TLN2: variants seen among roughly 807,000 people sequenced by gnomAD.
TLN2 encodes the protein talin 2.
In TLN2, 118 loss-of-function variants were observed where a neutral mutation model predicts 294.7. The ratio of observed to expected loss-of-function variants is 0.40; its 90% confidence interval spans 0.34 to 0.47. The LOEUF is 0.47. Ranked by LOEUF, TLN2 falls within the 20% of genes least tolerant of loss-of-function variation. TLN2 has a pLI of 0.84. For missense variants in TLN2, 3,083 were observed against 3,282.2 expected (o/e 0.94, Z 1.48); for synonymous variants, 1,431 against 1,304.5 (o/e 1.10, Z -2.09).
chr15:62,807,553 G>A (rs143270286), intron 51 of TLN2, among the ~76,000 whole-genome samples: 1 of 152,206 alleles, frequency 6.6e-6, no homozygotes, highest in East Asian at 1.9e-4. Context: ...AGCTACAGAC[G>A]TGAACAGGGG....
chr15:62,601,520 G>A lies in TLN2; in HGVS notation c.-162+11758G>A, dbSNP rs117402225. On this transcript the variant is annotated intron_variant, in intron 2 of 58. Coordinates refer to ENST00000636159, the MANE Select transcript of TLN2 (RefSeq NM_015059.3). ...AGTTTGTTCTTTGGCAAGAATACAC[G>A]TAGGCAGGCTACATATTTTCATTGA... Among the ~76,000 whole-genome samples the A allele has an allele frequency of 8.0e-3, 1,214 of 152,280 alleles. 7 individuals carry two copies. The highest frequency in any genetic ancestry group is 0.014 in the Non-Finnish European group (979 of 68,028).
chr15:62,576,667 C>CTG (rs2044439654), intron 1 of TLN2, among the ~76,000 whole-genome samples: 8 of 117,750 alleles, frequency 6.8e-5, no homozygotes, highest in Admixed American at 3.0e-4. Context: ...GATTCCCCCC[C>CTG]CCGCCCCCCA....
chr15:62,724,640 G>A (rs900016096), intron 26 of TLN2, among the ~76,000 whole-genome samples: 2 of 152,142 alleles, frequency 1.3e-5, no homozygotes, highest in African/African-American at 4.8e-5. Context: ...TACACACATG[G>A]CTGTGCTAGG....
chr15:62,496,831 C>T (rs1247141875), intron 1 of TLN2, among the ~76,000 whole-genome samples: 1 of 152,188 alleles, frequency 6.6e-6, no homozygotes, highest in East Asian at 1.9e-4. Flanking sequence ...CCATTATACA[C>T]ACATCAATGG....
intron 1 of TLN2, among the ~76,000 whole-genome samples, chr15:62,455,229 G>A (rs1328207976): frequency 6.6e-6 from 1 of 152,106 alleles, no homozygotes; most frequent in Non-Finnish European, 1.5e-5. Context: ...GGAGTGTGTA[G>A]GTCAGCAATA....
At chr15:62,682,541 T>A (rs1000858735) in intron 11 of TLN2, among the ~76,000 whole-genome samples, 20 of 152,202 alleles carry the variant, frequency 1.3e-4, no homozygotes, top group African/African-American at 4.3e-4. Flanking sequence ...TGATCTTGGA[T>A]AAGTTACCTT....
At chr15:62,505,555 A>G (rs1185129350) in intron 1 of TLN2, among the ~76,000 whole-genome samples, 2 of 152,114 alleles carry the variant, frequency 1.3e-5, no homozygotes, top group Non-Finnish European at 2.9e-5. Flanking sequence ...GCAGGCGTAC[A>G]TCCTTGCACA....
chr15:62,827,584 A>G (rs1280288264), intron 54 of TLN2: 1 of 152,184 alleles, frequency 6.6e-6, no homozygotes, highest in African/African-American at 2.4e-5. Context: ...GGGTGCTGAG[A>G]GAGGAGCTGG....
chr15:62,476,817 C>G (rs762723555), intron 1 of TLN2, among the ~76,000 whole-genome samples: 6 of 152,212 alleles, frequency 3.9e-5, no homozygotes, highest in Non-Finnish European at 8.8e-5. Context: ...CCAACATCCT[C>G]TTGCCTGGCA....
intron 24 of TLN2, 138 bp from the exon 25 acceptor site, chr15:62,719,629 G>A (rs914443307): frequency 1.7e-6 from 1 of 591,278 alleles, no homozygotes; most frequent in Non-Finnish European, 2.9e-6. Flanking sequence ...TTAATGTGCA[G>A]TGTCTATCCA....
chr15:62,509,865 T>C (rs1014399454), intron 1 of TLN2, among the ~76,000 whole-genome samples: 5 of 152,182 alleles, frequency 3.3e-5, no homozygotes, highest in Admixed American at 3.3e-4. Context: ...GTGGAGAGAA[T>C]CCGGTGGCTT....
intron 2 of TLN2, among the ~76,000 whole-genome samples, chr15:62,599,696 T>C (rs1057048257): frequency 2.6e-5 from 4 of 152,210 alleles, no homozygotes; most frequent in African/African-American, 9.6e-5. Context: ...GAGGAGTGAC[T>C]CAGTCTCTCC....
chr15:62,649,040 G>T (rs1031406365), intron 4 of TLN2, among the ~76,000 whole-genome samples: 30 of 151,868 alleles, frequency 2.0e-4, no homozygotes, highest in Admixed American at 3.9e-4. Flanking sequence ...TAGATACAAG[G>T]TCTTGCTATG....
chr15:62,643,164 T>C (rs2051345119), intron 3 of TLN2, among the ~76,000 whole-genome samples: 1 of 152,230 alleles, frequency 6.6e-6, no homozygotes. Flanking sequence ...GGTTTCCCTA[T>C]GTCAGTGATC....
intron 3 of TLN2, among the ~76,000 whole-genome samples, chr15:62,623,510 A>T (rs759056885): frequency 2.6e-5 from 4 of 152,212 alleles, no homozygotes; most frequent in Admixed American, 2.0e-4. Flanking sequence ...TGTGGTTCTT[A>T]TATGAAATCC....
intron 58 of TLN2, 68 bp from the exon 59 acceptor site, chr15:62,840,414 G>A (rs1449780818): frequency 1.9e-6 from 3 of 1,591,106 alleles, no homozygotes; most frequent in South Asian, 2.3e-5. Flanking sequence ...GCTCACATGA[G>A]CAGTGGGGTG....
At position 62,795,303 on chromosome 15, in the gene TLN2, C is replaced by T. The variant is rs533317759; in HGVS notation, c.5884-824C>T. On this transcript the variant is annotated intron_variant, in intron 46 of 58. Coordinates refer to ENST00000636159, the MANE Select transcript of TLN2 (RefSeq NM_015059.3). ...AGTGTTTGGGAAAGTCAGGAGCTGG[C>T]GGGTGTGGTGAGAGCCAGGTGAAGC... is the stretch of plus-strand genomic sequence containing the variant. Among the ~76,000 whole-genome samples the T allele has an allele frequency of 6.6e-5, 10 of 152,138 alleles. No individual in the cohort carries two copies. In the South Asian group the frequency reaches 1.0e-3, roughly 16 times the overall value.
rs544619974 is a variant in TLN2, at chr15:62,680,490, T to C, written c.957+5169T>C. On this transcript the variant is annotated intron_variant, in intron 11 of 58. Transcript: ENST00000636159. ...GTGAAATAAGCCCTTAGAGTATGTA[T>C]GTAAAAATTAGCAAAACCATTTAGA... Among the ~76,000 whole-genome samples the C allele has an allele frequency of 4.1e-4, 63 of 151,912 alleles. 1 individual carries two copies. In the South Asian group the frequency reaches 0.013, roughly 32 times the overall value.
chr15:62,637,457 T>C (rs959561675), intron 3 of TLN2: 7 of 152,052 alleles, frequency 4.6e-5, no homozygotes, highest in African/African-American at 1.7e-4. Context: ...ATAGTGAGAT[T>C]GCTCGAGAGC....
Sources: allele counts gnomAD v4.1 joint callset (sites outside exome capture counted in the v4.1 genomes callset), GRCh38; gene constraint gnomAD v4.1.1; transcripts MANE v1.5; gene names NCBI Gene and HGNC (gene_info 2026-07-23, HGNC 2026-07-21).